Variants in FBXL20 observed in about 807,000 individuals in gnomAD.
FBXL20 encodes F-box/LRR-repeat protein 20.
In FBXL20, 11 loss-of-function variants were observed where a neutral mutation model predicts 64.0. The observed-to-expected ratio is 0.17, with a 90% CI of 0.11 to 0.28. FBXL20 has a LOEUF of 0.28. Among genes scored for constraint, FBXL20 ranks in the 10% least tolerant of loss-of-function variants. FBXL20 has a pLI of 1.00. For synonymous variants in FBXL20, 184 were observed against 189.0 expected, an observed-to-expected ratio of 0.97 and a Z score of 0.22; for missense variants, 303 against 526.2, an observed-to-expected ratio of 0.58 and a Z score of 4.15.
At chr17:39,332,097 T>G (rs1597802185) in intron 2 of FBXL20, among the ~76,000 whole-genome samples, 1 of 152,238 alleles carries the variant, frequency 6.6e-6, no homozygotes, top group Non-Finnish European at 1.5e-5. Context: ...GTCCATGTTC[T>G]TAACTATTAA....
At chr17:39,388,560 T>C (rs948933864) in intron 1 of FBXL20, among the ~76,000 whole-genome samples, 3 of 151,132 alleles carry the variant, frequency 2.0e-5, no homozygotes, top group Non-Finnish European at 4.4e-5. Flanking sequence ...CTCAGCTCAT[T>C]GCAACCTCCG....
intron 2 of FBXL20, among the ~76,000 whole-genome samples, chr17:39,324,343 C>A (rs1597798338): frequency 6.8e-6 from 1 of 147,132 alleles, no homozygotes; most frequent in East Asian, 1.9e-4. Flanking sequence ...GGCTGGAGTG[C>A]AGTGGCAGGA....
At chr17:39,318,584 TACA>T (rs559982020) in intron 2 of FBXL20, among the ~76,000 whole-genome samples, 24 of 152,026 alleles carry the variant, frequency 1.6e-4, no homozygotes, top group Middle Eastern at 3.4e-3. Flanking sequence ...CTACTAAAAA[TACA>T]ACATTAGCCA....
At chr17:39,288,638 AT>A (rs896176595) in intron 6 of FBXL20, among the ~76,000 whole-genome samples, 3 of 150,950 alleles carry the variant, frequency 2.0e-5, no homozygotes, top group East Asian at 3.9e-4. Context: ...TATTTTTTTA[AT>A]TTTTTCCCCC....
intron 2 of FBXL20, among the ~76,000 whole-genome samples, chr17:39,309,832 G>GA (rs1016327164): frequency 1.3e-5 from 2 of 149,420 alleles, no homozygotes; most frequent in Non-Finnish European, 3.0e-5. Context: ...AAAAGAGAAA[G>GA]AAAAAAAAGA....
Position 39,258,268 on chromosome 17 carries a change from C to T in FBXL20, c.*3192G>A, listed in dbSNP as rs927728205. On this transcript the variant is annotated 3_prime_UTR_variant, in exon 15 of 15. Coordinates refer to ENST00000264658, the MANE Select transcript of FBXL20 (RefSeq NM_032875.3). Reference sequence around the variant, plus strand: ...ATGTTGAGAGAGGAAGCATTATGTTCAGATGTCAGGCTCCTTTCCACCTGA... The same window carrying T: ...ATGTTGAGAGAGGAAGCATTATGTTTAGATGTCAGGCTCCTTTCCACCTGA... 16 of 152,206 alleles carry T rather than the reference C, an allele frequency of 1.1e-4. No individual in the cohort carries two copies. The highest frequency in any genetic ancestry group is 3.9e-4 in the African/African-American group (16 of 41,440). 9.4% of individuals were successfully genotyped at this position (152,206 alleles called of 1,614,324 possible).
chr17:39,377,117 A>T (rs1443810348), intron 1 of FBXL20, among the ~76,000 whole-genome samples: 1 of 152,178 alleles, frequency 6.6e-6, no homozygotes, highest in Non-Finnish European at 1.5e-5. Flanking sequence ...TTTAGGAGTC[A>T]TGAAGCTGGA....
chr17:39,320,071 TACAA>T (rs755341748), intron 2 of FBXL20, among the ~76,000 whole-genome samples: 16 of 152,222 alleles, frequency 1.1e-4, no homozygotes, highest in Non-Finnish European at 2.1e-4. Flanking sequence ...TTTCTGTCCC[TACAA>T]ACAACATACA....
chr17:39,392,129 T>A (rs200701240), intron 1 of FBXL20, among the ~76,000 whole-genome samples: 52 of 151,016 alleles, frequency 3.4e-4, no homozygotes, highest in Admixed American at 2.0e-3. Flanking sequence ...AGTGCGAGAC[T>A]GAGAAGAAAA....
chr17:39,311,002 A>C (rs918923815), intron 2 of FBXL20, among the ~76,000 whole-genome samples: 11 of 151,642 alleles, frequency 7.3e-5, no homozygotes, highest in African/African-American at 1.9e-4. Context: ...TAAAAAAAAA[A>C]CACACAAAAA....
intron 12 of FBXL20, 86 bp downstream of exon 12, chr17:39,268,741 T>C (rs2046813812): frequency 1.7e-6 from 2 of 1,170,254 alleles, no homozygotes; most frequent in Non-Finnish European, 2.5e-6. Flanking sequence ...TATCCTACAC[T>C]AGGGTAGGGA....
chr17:39,355,683 C>A (rs377435794), intron 1 of FBXL20, among the ~76,000 whole-genome samples: 12 of 150,638 alleles, frequency 8.0e-5, no homozygotes, highest in Non-Finnish European at 1.5e-4. Flanking sequence ...GGTGAAACCC[C>A]GTCTCTACTA....
intron 1 of FBXL20, among the ~76,000 whole-genome samples, chr17:39,375,444 AG>A (rs1230916817): frequency 6.6e-6 from 1 of 152,198 alleles, no homozygotes; most frequent in Non-Finnish European, 1.5e-5. Flanking sequence ...ATTTACAGTT[AG>A]ATAGAAGATA....
At chr17:39,306,544 T>C (rs1241372665) in intron 2 of FBXL20, among the ~76,000 whole-genome samples, 1 of 152,202 alleles carries the variant, frequency 6.6e-6, no homozygotes. Flanking sequence ...CCTGGCATTT[T>C]TGACAAAAAT....
At chr17:39,390,547 C>T (rs184522069) in intron 1 of FBXL20, among the ~76,000 whole-genome samples, 35 of 150,046 alleles carry the variant, frequency 2.3e-4, no homozygotes, top group Middle Eastern at 3.4e-3. Flanking sequence ...GGTGACAGAG[C>T]GCAAGACTCC....
intron 1 of FBXL20, among the ~76,000 whole-genome samples, chr17:39,376,727 A>G (rs2047970672): frequency 1.3e-5 from 2 of 152,160 alleles, no homozygotes; most frequent in Admixed American, 6.6e-5. Flanking sequence ...TGGAACAGAG[A>G]TTTTAACCCA....
chr17:39,306,321 A>C (rs2047183022), intron 2 of FBXL20, among the ~76,000 whole-genome samples: 2 of 152,074 alleles, frequency 1.3e-5, no homozygotes, highest in South Asian at 4.2e-4. Flanking sequence ...GCCAGGCTTT[A>C]AAACAAGTTT....
rs1222500567 is a variant in FBXL20, at chr17:39,253,823, AT to A, written c.*7636del. On this transcript the variant is annotated 3_prime_UTR_variant, in exon 15 of 15. Transcript: ENST00000264658. ...AATCTATTATATAGGAAAGAAAATT[AT>A]TTGTCCACAGGGGAAAAAAGTAATC... is the stretch of plus-strand genomic sequence containing the variant. 1 of 152,190 alleles carries A rather than the reference AT, an allele frequency of 6.6e-6. No individual in the cohort carries two copies. The highest frequency in any genetic ancestry group is 2.4e-5 in the African/African-American group (1 of 41,448). The allele number at this position is 152,190 out of a possible 1,614,324, so 9.4% of individuals were successfully genotyped here.
At chr17:39,369,124 C>T (rs1433320662) in intron 1 of FBXL20, among the ~76,000 whole-genome samples, 22 of 151,856 alleles carry the variant, frequency 1.4e-4, no homozygotes, top group Non-Finnish European at 2.9e-5. Context: ...CATGTTTAAC[C>T]AAAAGTACTA....
Sources: allele counts gnomAD v4.1 joint callset (sites outside exome capture counted in the v4.1 genomes callset), GRCh38; gene constraint gnomAD v4.1.1; transcripts MANE v1.5; gene names NCBI Gene and HGNC (gene_info 2026-07-23, HGNC 2026-07-21).